The following DSCAML1 variants were observed in gnomAD, a reference collection of about 807,000 sequenced individuals.
DSCAML1 encodes cell adhesion molecule DSCAML1.
Under a neutral mutation model 200.5 loss-of-function variants are expected in DSCAML1, and 38 were observed. The ratio of observed to expected loss-of-function variants is 0.19; its 90% CI spans 0.15 to 0.25. The LOEUF (loss-of-function observed/expected upper bound fraction) is 0.25. Among genes scored for constraint, DSCAML1 ranks in the 10% least tolerant of loss-of-function variants. The probability of loss-of-function intolerance (pLI) is 1.00; values close to 1 mark genes in which losing one functional copy is unlikely to be tolerated. For synonymous variants in DSCAML1, 1,215 were observed against 1,165.0 expected, an observed-to-expected ratio of 1.04 and a Z score of -0.87; for missense variants, 2,223 against 2,858.8, an observed-to-expected ratio of 0.78 and a Z score of 5.07.
chr11:117,577,286 A>G (rs1295709521), intron 3 of DSCAML1, among the ~76,000 whole-genome samples: 1 of 152,224 alleles, frequency 6.6e-6, no homozygotes, highest in Admixed American at 6.5e-5. Flanking sequence ...TCAGTGTTCA[A>G]TTCAACACAA....
Position 117,743,367 on chromosome 11 carries a change from T to C in DSCAML1, c.511+33424A>G, listed in dbSNP as rs186120153. Reference sequence around the variant, plus strand: ...CACATGGCTGCACACACATGAGCAATAGTAGTCACATATCCCAGTTGTGAC... The same window carrying C: ...CACATGGCTGCACACACATGAGCAACAGTAGTCACATATCCCAGTTGTGAC... On this transcript the variant is annotated intron_variant, in intron 3 of 32. Coordinates refer to ENST00000651296, the MANE Select transcript of DSCAML1 (RefSeq NM_020693.4). 1.7e-3 allele frequency among the ~76,000 whole-genome samples: 258 copies of C among 152,238 alleles called. 1 individual carries two copies. The highest frequency in any genetic ancestry group is 5.7e-3 in the African/African-American group (237 of 41,538).
intron 8 of DSCAML1, among the ~76,000 whole-genome samples, chr11:117,513,684 TGA>T (rs969597948): frequency 1.3e-4 from 18 of 143,122 alleles, no homozygotes; most frequent in Non-Finnish European, 2.5e-4. Context: ...GAGGTTGTAG[TGA>T]GCTGAGATCA....
chr11:117,481,268 G>C lies in DSCAML1; in HGVS notation c.2562C>G (p.Leu854=), dbSNP rs913661364. 1.9e-6 allele frequency: 3 copies of C among 1,613,710 alleles called. No homozygotes were observed. The highest frequency in any genetic ancestry group is 2.5e-6 in the Non-Finnish European group (3 of 1,179,980). The change falls in exon 13 of 33, where the codon CTC becomes CTG. Residue 854 remains leucine, a splice_region_variant and synonymous_variant. Transcript: ENST00000651296. ...NGDEVVSTLK[L]KPADRGDSVF... ...CAGAGTCCCCACGGTCAGCGGGCTT[G>C]AGCTGGGAGACCACCAGCAGGGGCA...
At chr11:117,565,205 T>C (rs535201936) in intron 3 of DSCAML1, among the ~76,000 whole-genome samples, 25 of 152,344 alleles carry the variant, frequency 1.6e-4, no homozygotes, top group African/African-American at 6.0e-4. Context: ...GTACTAAAGG[T>C]ACATCGTTTT....
intron 3 of DSCAML1, among the ~76,000 whole-genome samples, chr11:117,563,166 T>C (rs2050696448): frequency 6.6e-6 from 1 of 152,212 alleles, no homozygotes; most frequent in African/African-American, 2.4e-5. Context: ...AGGGTGCTTG[T>C]AGCTGACTCT....
At chr11:117,603,573 C>G (rs2051506729) in intron 3 of DSCAML1, among the ~76,000 whole-genome samples, 1 of 152,166 alleles carries the variant, frequency 6.6e-6, no homozygotes, top group East Asian at 1.9e-4. Context: ...AGCAAACACT[C>G]AGTGAATAAA....
intron 3 of DSCAML1, among the ~76,000 whole-genome samples, chr11:117,631,334 C>G (rs2052169271): frequency 6.6e-6 from 1 of 152,182 alleles, no homozygotes. Flanking sequence ...GCCTGTTGGA[C>G]CCGGGCAGAG....
intron 3 of DSCAML1, among the ~76,000 whole-genome samples, chr11:117,754,488 CA>C (rs1359079153): frequency 6.6e-6 from 1 of 151,914 alleles, no homozygotes; most frequent in African/African-American, 2.4e-5. Flanking sequence ...TGGGGAAGCA[CA>C]GGGGTGATGG....
intron 3 of DSCAML1, among the ~76,000 whole-genome samples, chr11:117,675,338 C>G (rs192886109): frequency 6.6e-6 from 1 of 152,282 alleles, no homozygotes; most frequent in Admixed American, 6.5e-5. Flanking sequence ...CGCTCTGTTG[C>G]TCAGGCTGGA....
chr11:117,650,026 G>C (rs2052597015), intron 3 of DSCAML1, among the ~76,000 whole-genome samples: 1 of 152,214 alleles, frequency 6.6e-6, no homozygotes, highest in Admixed American at 6.5e-5. Context: ...GCAGCGGTTG[G>C]CACAGGCTAG....
intron 1 of DSCAML1, among the ~76,000 whole-genome samples, chr11:117,816,798 T>TGGGGGGG (rs1024946477): frequency 2.0e-5 from 2 of 100,162 alleles, no homozygotes; most frequent in East Asian, 3.2e-4. Context: ...TCGGAATTGC[T>TGGGGGGG]GGGGGGGTGG....
chr11:117,511,127 G>A (rs1324751618), intron 8 of DSCAML1, among the ~76,000 whole-genome samples: 1 of 152,338 alleles, frequency 6.6e-6, no homozygotes, highest in Non-Finnish European at 1.5e-5. Context: ...GAGGCTGGGT[G>A]GAGCAGTGCT....
At chr11:117,472,941 C>A (rs1295101585) in intron 14 of DSCAML1, among the ~76,000 whole-genome samples, 1 of 152,146 alleles carries the variant, frequency 6.6e-6, no homozygotes, top group Non-Finnish European at 1.5e-5. Flanking sequence ...AACCAAATAA[C>A]TGTTTTGGCA....
chr11:117,428,035 A>C lies in DSCAML1; in HGVS notation c.*293T>G. ...AAATATATAGATATATAGCTCGTGG[A>C]CGCGTTCCTGTCTGTCTATATATGT... On this transcript the variant is annotated 3_prime_UTR_variant, in exon 33 of 33. Transcript: ENST00000651296. 2 of 245,902 alleles carry C rather than the reference A, an allele frequency of 8.1e-6. No individual in the cohort carries two copies. Among genetic ancestry groups the C allele is most frequent in the Admixed American group, 5.8e-5 (1 of 17,224 alleles). 15.2% of individuals were successfully genotyped at this position (245,902 alleles called of 1,614,324 possible).
At chr11:117,786,136 C>T (rs536981866) in intron 1 of DSCAML1, among the ~76,000 whole-genome samples, 13 of 152,182 alleles carry the variant, frequency 8.5e-5, no homozygotes, top group South Asian at 6.2e-4. Context: ...GCATATTTAC[C>T]GAAAGAAAGA....
At chr11:117,758,663 A>G (rs2054741544) in intron 3 of DSCAML1, among the ~76,000 whole-genome samples, 1 of 152,020 alleles carries the variant, frequency 6.6e-6, no homozygotes, top group African/African-American at 2.4e-5. Context: ...CGGCCTCCCA[A>G]AGTGCTGGGA....
At chr11:117,472,960 G>C (rs989565888) in intron 14 of DSCAML1, among the ~76,000 whole-genome samples, 1 of 151,976 alleles carries the variant, frequency 6.6e-6, no homozygotes, top group African/African-American at 2.4e-5. Flanking sequence ...CACCTTACTT[G>C]GAAAAGAAAA....
chr11:117,607,051 C>T (rs2137521737), intron 3 of DSCAML1, among the ~76,000 whole-genome samples: 1 of 152,354 alleles, frequency 6.6e-6, no homozygotes, highest in South Asian at 2.1e-4. Context: ...GTTCTAGGCA[C>T]TAGCAAAATG....
intron 3 of DSCAML1, among the ~76,000 whole-genome samples, chr11:117,560,818 C>T (rs967380289): frequency 1.3e-5 from 2 of 152,226 alleles, no homozygotes; most frequent in African/African-American, 4.8e-5. Context: ...CTGCCCATTC[C>T]CTCCAACAGC....
Sources: gnomAD v4.1 joint callset for allele counts (sites outside exome capture counted in the v4.1 genomes callset) on GRCh38, gnomAD v4.1.1 for gene constraint, MANE v1.5 for transcripts, NCBI Gene and HGNC (gene_info 2026-07-23, HGNC 2026-07-21) for gene names.